ALG12: variants seen among roughly 807,000 people sequenced by gnomAD.
ALG12 encodes the protein dol-P-Man:Man(7)GlcNAc(2)-PP-Dol alpha-1,6-mannosyltransferase.
Under a neutral mutation model 46.0 loss-of-function variants are expected in ALG12, and 36 were observed. That is an observed-to-expected ratio of 0.78 (90% CI 0.60 to 1.03). The LOEUF (loss-of-function observed/expected upper bound fraction) is 1.03, where lower values mean the gene tolerates loss of function less well. Among genes scored for constraint, ALG12 ranks in the 50% least tolerant of loss-of-function variants. The pLI, the probability that ALG12 is intolerant of heterozygous loss-of-function variation, is 0.00. For synonymous variants in ALG12, 326 were observed against 291.6 expected, an observed-to-expected ratio of 1.12 and a Z score of -1.20; for missense variants, 599 against 633.5, an observed-to-expected ratio of 0.95 and a Z score of 0.58.
the ALG12 span, chr22:49,887,875 C>T: frequency 1.8e-5 from 3 of 167,258 alleles, no homozygotes; most frequent in African/African-American, 7.2e-5. Flanking sequence ...ATCATCAGCT[C>T]CTCTGAAATG....
intron 4 of ALG12, 107 bp from the exon 5 acceptor site, chr22:49,910,195 C>T (rs1461248861): frequency 7.7e-5 from 104 of 1,348,526 alleles, no homozygotes; most frequent in Non-Finnish European, 1.0e-4. Context: ...AAAAGCCACA[C>T]AAATATCCCA....
rs751587723 is a variant in ALG12 at position 49,904,343 on chromosome 22, G to T, written c.1156C>A (p.Gln386Lys). The T allele has an allele frequency of 3.7e-6, 6 of 1,613,992 alleles. No homozygotes were observed. Among genetic ancestry groups the T allele is most frequent in the Admixed American group, 3.3e-5 (2 of 60,006 alleles). ...MQRLHQLVPP[Q>K]TDVLLHIDVA... is the part of the protein sequence containing the mutation. ...CAGTGCCCCCAGCACCCACCTGTCTGGGGGGGCACCAGCTGGTGCAGCCTC... is the reference window on the plus strand; with the variant it reads ...CAGTGCCCCCAGCACCCACCTGTCTTGGGGGGCACCAGCTGGTGCAGCCTC... Residue 386 changes from glutamine (Q) to lysine (K), a missense_variant, in exon 8 of 10, where the codon CAG becomes AAG. Gln to Lys is a moderately conservative substitution (Grantham distance 53). Coordinates refer to ENST00000330817, the MANE Select transcript of ALG12 (RefSeq NM_024105.4).
chr22:49,910,135 C>T (rs747066126), intron 4 of ALG12, 47 bp from the exon 5 acceptor site: 20 of 1,548,584 alleles, frequency 1.3e-5, no homozygotes, highest in African/African-American at 8.2e-5. Context: ...AGGGCCCACC[C>T]GGCCCAGAAA....
the ALG12 span, among the ~76,000 whole-genome samples, chr22:49,879,573 G>C: frequency 6.8e-6 from 1 of 146,732 alleles, no homozygotes; most frequent in Non-Finnish European, 1.5e-5. Context: ...TTATTGGTTG[G>C]TTTTTCTCCT....
chr22:49,898,106 C>A (rs1467218908), downstream of ALG12, among the ~76,000 whole-genome samples: 3 of 149,512 alleles, frequency 2.0e-5, no homozygotes, highest in East Asian at 6.1e-4. Flanking sequence ...CTCAAGTGAT[C>A]CCTCCTGCCT....
the ALG12 span, among the ~76,000 whole-genome samples, chr22:49,873,785 A>G: frequency 6.6e-6 from 1 of 152,194 alleles, no homozygotes; most frequent in Non-Finnish European, 1.5e-5. Flanking sequence ...CTAGAATGAG[A>G]TGTCTGTTTT....
the ALG12 span, among the ~76,000 whole-genome samples, chr22:49,892,539 G>A: frequency 6.6e-6 from 1 of 152,180 alleles, no homozygotes; most frequent in Non-Finnish European, 1.5e-5. Context: ...CAAGAGGCTT[G>A]GAAACCCAAA....
At chr22:49,883,834 C>G in the ALG12 span, 1 of 1,610,478 alleles carries the variant, frequency 6.2e-7, no homozygotes. Context: ...CGGTGGGGAG[C>G]GAGCGGGCCT....
chr22:49,868,061 G>T, the ALG12 span, among the ~76,000 whole-genome samples: 22 of 152,332 alleles, frequency 1.4e-4, no homozygotes, highest in African/African-American at 5.3e-4. Context: ...TCGTAAAGTT[G>T]CAGGTTCGTA....
At chr22:49,875,792 A>G in the ALG12 span, among the ~76,000 whole-genome samples, 3 of 152,096 alleles carry the variant, frequency 2.0e-5, no homozygotes, top group Admixed American at 6.6e-5. Context: ...ATCCTTTTAT[A>G]TATGTAGGAT....
the ALG12 span, among the ~76,000 whole-genome samples, chr22:49,866,506 A>T: frequency 6.6e-6 from 1 of 151,448 alleles, no homozygotes; most frequent in Admixed American, 6.6e-5. Context: ...TTTTACTTTT[A>T]TTTTTAGTGT....
At chr22:49,891,206 C>CTGGT in the ALG12 span, among the ~76,000 whole-genome samples, 1 of 152,166 alleles carries the variant, frequency 6.6e-6, no homozygotes, top group African/African-American at 2.4e-5. Context: ...CAGGATGGTA[C>CTGGT]TGGTAAAGTC....
At chr22:49,883,682 C>G in the ALG12 span, 1 of 1,586,536 alleles carries the variant, frequency 6.3e-7, no homozygotes, top group South Asian at 1.1e-5. Flanking sequence ...AACTTGAAAA[C>G]TTGTCCCAAA....
At chr22:49,910,229 T>C (rs2146608311) in intron 4 of ALG12, 141 bp from the exon 5 acceptor site, 4 of 1,190,126 alleles carry the variant, frequency 3.4e-6, no homozygotes, top group Non-Finnish European at 4.7e-6. Context: ...TCAGAGCCGC[T>C]CCCCGCACCT....
At chr22:49,891,969 AT>A in the ALG12 span, among the ~76,000 whole-genome samples, 1 of 152,142 alleles carries the variant, frequency 6.6e-6, no homozygotes, top group Non-Finnish European at 1.5e-5. Flanking sequence ...TATAAAATAT[AT>A]TTTTAAAAAG....
chr22:49,884,522 G>C, the ALG12 span: 1 of 1,614,160 alleles, frequency 6.2e-7, no homozygotes, highest in East Asian at 2.2e-5. Flanking sequence ...TCCAGGAGAA[G>C]GTCCGCTGTC....
chr22:49,886,070 T>G, the ALG12 span: 1 of 680,296 alleles, frequency 1.5e-6, no homozygotes, highest in Non-Finnish European at 2.7e-6. The surrounding 1 kb of genome is among the most constrained non-coding windows in gnomAD (Gnocchi z 7.7). Context: ...GGCCTTCAGG[T>G]GGGCATCACC....
chr22:49,892,734 C>T, the ALG12 span, among the ~76,000 whole-genome samples: 2 of 152,206 alleles, frequency 1.3e-5, no homozygotes, highest in Non-Finnish European at 2.9e-5. Context: ...TTGATTGCAT[C>T]AGGGCGATCT....
the ALG12 span, among the ~76,000 whole-genome samples, chr22:49,881,874 G>A: frequency 6.6e-6 from 1 of 152,050 alleles, no homozygotes; most frequent in African/African-American, 2.4e-5. Flanking sequence ...GCTGTACTTT[G>A]TAGAACTTAT....
Sources: gnomAD v4.1 joint callset for allele counts (sites outside exome capture counted in the v4.1 genomes callset) on GRCh38, gnomAD v4.1.1 for gene constraint, Gnocchi (gnomAD v3.1) non-coding constraint, MANE v1.5 for transcripts, NCBI Gene and HGNC (gene_info 2026-07-23, HGNC 2026-07-21) for gene names.